RPS29: variants seen among roughly 807,000 people sequenced by gnomAD.
RPS29 encodes the protein small ribosomal subunit protein uS14.
For missense variants in RPS29, 60 were observed against 75.7 expected (o/e 0.79, Z 0.77); for synonymous variants, 37 against 26.9 (o/e 1.37, Z -1.16).
At chr14:49,578,071 G>C (rs989783036) in intron 2 of RPS29, among the ~76,000 whole-genome samples, 7 of 151,652 alleles carry the variant, frequency 4.6e-5, no homozygotes, top group Non-Finnish European at 8.8e-5. Flanking sequence ...GAAATAAGAA[G>C]ATTCTAGGAA....
chr14:49,579,360 G>A (rs1257730286), downstream of RPS29, among the ~76,000 whole-genome samples: 2 of 152,172 alleles, frequency 1.3e-5, no homozygotes, highest in African/African-American at 4.8e-5. Context: ...TCAGTCTACT[G>A]GATTTTGTTA....
intron 2 of RPS29, 84 bp downstream of exon 2, chr14:49,585,862 AAGAT>A: frequency 1.0e-6 from 1 of 993,390 alleles, no homozygotes; most frequent in Non-Finnish European, 1.6e-6. Context: ...CACTCCAGGG[AAGAT>A]CTGTCCGTTT....
intron 1 of RPS29, chr14:49,598,151 T>C (rs752602461): frequency 3.0e-5 from 14 of 469,724 alleles, no homozygotes; most frequent in Non-Finnish European, 4.9e-5. Flanking sequence ...CAATAAAATG[T>C]TTAATATACG....
exon 3 of RPS29, chr14:49,571,413 A>C (rs1318493081): frequency 6.6e-6 from 1 of 152,128 alleles, no homozygotes; most frequent in Non-Finnish European, 1.5e-5. Flanking sequence ...TAGGAGGCAG[A>C]CTCAAAATAA....
upstream of RPS29, chr14:49,586,606 G>A (rs1594574608): frequency 9.8e-6 from 5 of 508,052 alleles, no homozygotes; most frequent in African/African-American, 3.8e-5. Flanking sequence ...CGTGCCTGTA[G>A]TCCCAGCTAC....
intron 2 of RPS29, chr14:49,577,909 ATTCAATAAATT>A (rs1881230940): frequency 4.6e-6 from 6 of 1,298,854 alleles, no homozygotes; most frequent in Non-Finnish European, 6.5e-6. Flanking sequence ...GCCCAACCAA[ATTCAATAAATT>A]TGTACTGCAT....
intron 1 of RPS29, among the ~76,000 whole-genome samples, chr14:49,596,154 C>T (rs1340528645): frequency 1.3e-5 from 2 of 151,726 alleles, no homozygotes; most frequent in East Asian, 3.9e-4. Context: ...GAAGGTTTAG[C>T]GGAAACTGAA....
At chr14:49,597,041 G>A (rs113087280) in intron 1 of RPS29, among the ~76,000 whole-genome samples, 71,511 of 150,368 alleles carry the variant, frequency 0.48, 17,831 homozygotes, top group Middle Eastern at 0.57. Context: ...CAGCTTCCCG[G>A]GTAGCTGGGA....
exon 3 of RPS29, chr14:49,574,052 A>T (rs1316620969): frequency 6.6e-6 from 1 of 152,218 alleles, no homozygotes; most frequent in Non-Finnish European, 1.5e-5. Context: ...CGATCTTGTT[A>T]TTATTTAGGA....
intron 2 of RPS29, among the ~76,000 whole-genome samples, chr14:49,578,099 G>A (rs1881235657): frequency 6.6e-6 from 1 of 151,890 alleles, no homozygotes; most frequent in African/African-American, 2.4e-5. Context: ...GAGCCTTCAT[G>A]CCTAAATATT....
At chr14:49,586,575 C>G (rs947976314), upstream of RPS29, 1 of 553,272 alleles carries the variant, frequency 1.8e-6, no homozygotes, top group Non-Finnish European at 3.3e-6. Flanking sequence ...CGCCGGTATC[C>G]GACCGCCGGG....
In RPS29 at chr14:49,577,607, T is replaced by G; in HGVS notation, c.*205A>C. The G allele has an allele frequency of 4.3e-6, 3 of 692,870 alleles. No individual in the cohort carries two copies. In the South Asian group the frequency reaches 4.9e-5, roughly 11 times the overall value. 42.9% of individuals were successfully genotyped at this position (692,870 alleles called of 1,614,324 possible). A position where few individuals can be genotyped will look rare whatever the true frequency, so the allele number is the denominator to read the frequency against. ...CCACTGGGCAGTATGTGCTTTGTCT[T>G]TTTGTTTCTCCCATAACCAATGTTG... is the stretch of plus-strand genomic sequence containing the variant. On this transcript the variant is annotated 3_prime_UTR_variant, in exon 3 of 3. Transcript: ENST00000396020.
intron 2 of RPS29, chr14:49,577,914 A>T: frequency 1.6e-6 from 2 of 1,232,758 alleles, no homozygotes; most frequent in Non-Finnish European, 2.3e-6. Flanking sequence ...ACCAAATTCA[A>T]TAAATTTGTA....
At chr14:49,577,515 G>A in exon 3 of RPS29, 1 of 551,880 alleles carries the variant, frequency 1.8e-6, no homozygotes, top group East Asian at 3.5e-5. Context: ...TCTCAACACA[G>A]TAAGATTTGT....
At chr14:49,598,474 C>A (rs1446840639) in exon 1 of RPS29, 7 of 702,308 alleles carry the variant, frequency 1.0e-5, no homozygotes, top group Non-Finnish European at 1.6e-5. Context: ...CTTCGACGTG[C>A]CAGGTGTGCC....
At chr14:49,573,761 T>A (rs1881113219) in exon 3 of RPS29, 1 of 152,250 alleles carries the variant, frequency 6.6e-6, no homozygotes, top group Non-Finnish European at 1.5e-5. Flanking sequence ...TTTTTGTGGT[T>A]GTCTGAATAT....
intron 1 of RPS29, chr14:49,598,338 C>T (rs899218999): frequency 1.6e-6 from 1 of 626,570 alleles, no homozygotes; most frequent in Non-Finnish European, 2.9e-6. Flanking sequence ...AGGCCTTGTG[C>T]GGTCTGGACG....
downstream of RPS29, among the ~76,000 whole-genome samples, chr14:49,582,012 C>CCAAAAAAAAAAAAAAAAAAAAAAAA (rs71115379): frequency 2.8e-5 from 3 of 106,512 alleles, no homozygotes; most frequent in African/African-American, 1.4e-4. Flanking sequence ...CCCTGCCCCC[C>CCAAAAAAAAAAAAAAAAAAAAAAAA]AAAAAAAAAA....
upstream of RPS29, chr14:49,586,667 A>C (rs997676448): frequency 7.9e-6 from 3 of 379,086 alleles, no homozygotes; most frequent in African/African-American, 6.1e-5. Context: ...TCTGGGCTGT[A>C]GTGCGCTATG....
Sources: allele counts gnomAD v4.1 joint callset (sites outside exome capture counted in the v4.1 genomes callset), GRCh38; gene constraint gnomAD v4.1.1; transcripts MANE v1.5; gene names NCBI Gene and HGNC (gene_info 2026-07-23, HGNC 2026-07-21).